Variants in MTHFD2 observed in about 807,000 individuals in gnomAD.
MTHFD2 encodes bifunctional methylenetetrahydrofolate dehydrogenase/cyclohydrolase, mitochondrial.
In MTHFD2, 26 loss-of-function variants were observed where a neutral mutation model predicts 36.8. That is an observed-to-expected ratio of 0.71 (90% confidence interval 0.52 to 0.98). The LOEUF is 0.98. MTHFD2 is among the 50% of genes least tolerant of loss of function. The pLI, the probability that MTHFD2 is intolerant of heterozygous loss-of-function variation, is 0.00. For missense variants in MTHFD2, 373 were observed against 434.0 expected, an observed-to-expected ratio of 0.86 and a Z score of 1.25; for synonymous variants, 164 against 155.2, an observed-to-expected ratio of 1.06 and a Z score of -0.42.
intron 1 of MTHFD2, among the ~76,000 whole-genome samples, chr2:74,205,113 G>A (rs1259133678): frequency 2.6e-5 from 4 of 151,912 alleles, no homozygotes; most frequent in South Asian, 2.1e-4. Context: ...GTGAGCCATC[G>A]TGCCCGGCCT....
intron 1 of MTHFD2, among the ~76,000 whole-genome samples, chr2:74,204,838 A>G (rs993385794): frequency 6.6e-6 from 1 of 151,688 alleles, no homozygotes; most frequent in South Asian, 2.1e-4. Flanking sequence ...TTGTTTGTTT[A>G]TTTTTGAGAC....
chr2:74,202,381 G>A (rs2103806612), intron 1 of MTHFD2, among the ~76,000 whole-genome samples: 1 of 152,208 alleles, frequency 6.6e-6, no homozygotes, highest in Non-Finnish European at 1.5e-5. Flanking sequence ...CCGTTTTAAA[G>A]TAGTCTTTCA....
chr2:74,201,624 G>GCCA (rs1694044686), intron 1 of MTHFD2, among the ~76,000 whole-genome samples: 1 of 152,008 alleles, frequency 6.6e-6, no homozygotes, highest in Non-Finnish European at 1.5e-5. Context: ...CAAGGCCTGT[G>GCCA]CCACCATGCC....
At position 74,214,067 on chromosome 2, in the gene MTHFD2, GT is replaced by G; in HGVS notation, c.890-9del. On this transcript the variant is annotated splice_polypyrimidine_tract_variant and intron_variant, in intron 7 of 7. Transcript: ENST00000394053. ...ATAACTAAAGCAGCCTGCCTGTCTT[GT>G]TTCTATGTAGGAGTCAGACAAAAAG... is the stretch of plus-strand genomic sequence containing the variant. 1.2e-6 allele frequency: 2 copies of G among 1,610,966 alleles called. No individual in the cohort carries two copies. Among genetic ancestry groups the G allele is most frequent in the Non-Finnish European group, 1.7e-6 (2 of 1,178,498 alleles).
rs749479361 is a variant in MTHFD2, at chr2:74,198,618, C to G, written c.-24C>G. ...CGTGGCCCGCGCGCGCGCTTCCCTC[C>G]CGGCGCAGTCACCGGCGCGGTCTAT... On this transcript the variant is annotated 5_prime_UTR_variant, in exon 1 of 8. Coordinates refer to ENST00000394053, the MANE Select transcript of MTHFD2 (RefSeq NM_006636.4). 13 of 1,582,572 alleles carry G rather than the reference C, an allele frequency of 8.2e-6. No homozygotes were observed. Among genetic ancestry groups the G allele is most frequent in the Admixed American group, 1.8e-5 (1 of 57,124 alleles).
At chr2:74,199,031 G>C (rs1479590399) in intron 1 of MTHFD2, among the ~76,000 whole-genome samples, 1 of 152,222 alleles carries the variant, frequency 6.6e-6, no homozygotes, top group African/African-American at 2.4e-5. Context: ...GTCGGCGGGC[G>C]GGACGGGGGT....
chr2:74,208,045 A>T (rs945794865), intron 3 of MTHFD2, among the ~76,000 whole-genome samples: 2 of 150,232 alleles, frequency 1.3e-5, no homozygotes, highest in Non-Finnish European at 3.0e-5. Context: ...AATAGCTAGG[A>T]CTATAGGCAT....
rs12196 is a variant in MTHFD2 at position 74,214,672 on chromosome 2, A to G, written c.*430A>G. On this transcript the variant is annotated 3_prime_UTR_variant, in exon 8 of 8. Transcript: ENST00000394053. ...AGGAAAAGTGTTGCTAGAGAAAATT[A>G]GGGAAAAGGTGAAAAAGAAAAAATG... 57,466 of 152,686 alleles carry G rather than the reference A, an allele frequency of 0.38. 11,348 individuals carry two copies. The highest frequency in any genetic ancestry group is 0.49 in the Middle Eastern group (145 of 294). 9.5% of individuals were successfully genotyped at this position (152,686 alleles called of 1,614,324 possible).
intron 3 of MTHFD2, among the ~76,000 whole-genome samples, chr2:74,208,160 C>T (rs765861213): frequency 6.6e-6 from 1 of 152,194 alleles, no homozygotes; most frequent in Non-Finnish European, 1.5e-5. Context: ...GCTGGGATTA[C>T]AGGCATGAAC....
chr2:74,199,707 CAAAAAAAAAAA>C (rs34436782), intron 1 of MTHFD2, among the ~76,000 whole-genome samples: 1 of 103,612 alleles, frequency 9.7e-6, no homozygotes, highest in Non-Finnish European at 2.0e-5. Context: ...GACCCTGTCT[CAAAAAAAAAAA>C]AAAAAAAAAA....
intron 3 of MTHFD2, 61 bp downstream of exon 3, chr2:74,207,887 CCT>C (rs375166259): frequency 5.8e-5 from 86 of 1,495,298 alleles, no homozygotes; most frequent in South Asian, 7.6e-5. Context: ...CCTCTCCCTC[CCT>C]CTCTCTCTCC....
rs758490956 is a variant in MTHFD2 at position 74,214,249 on chromosome 2, T to A, written c.*7T>A. The A allele has an allele frequency of 1.4e-5, 23 of 1,612,836 alleles. No individual in the cohort carries two copies. Among genetic ancestry groups the A allele is most frequent in the Non-Finnish European group, 1.9e-5 (22 of 1,179,328 alleles). ...TGGGGTAGCCACTAATTAACTACTGTGTCTTCTGTGTCACAAACAGCACTC... is the reference window on the plus strand; with the variant it reads ...TGGGGTAGCCACTAATTAACTACTGAGTCTTCTGTGTCACAAACAGCACTC... On this transcript the variant is annotated 3_prime_UTR_variant, in exon 8 of 8. Coordinates refer to ENST00000394053, the MANE Select transcript of MTHFD2 (RefSeq NM_006636.4).
intron 7 of MTHFD2, 78 bp downstream of exon 7, chr2:74,211,944 C>CTTTTTTTTTTTTTTTTTTTTTTTT: frequency 2.4e-6 from 1 of 424,488 alleles, no homozygotes; most frequent in Non-Finnish European, 3.2e-6. Flanking sequence ...AGATTATTTA[C>CTTTTTTTTTTTTTTTTTTTTTTTT]TTTTTTTTTT....
chr2:74,204,919 G>C (rs1295909872), intron 1 of MTHFD2, among the ~76,000 whole-genome samples: 3 of 152,110 alleles, frequency 2.0e-5, no homozygotes, highest in African/African-American at 7.2e-5. Context: ...TCTGCCTCCT[G>C]GTTTCAAGTG....
Position 74,204,643 on chromosome 2 carries a change from ACT to A in MTHFD2, c.102-1060_102-1059del, listed in dbSNP as rs1180171465. On this transcript the variant is annotated intron_variant, in intron 1 of 7. Transcript: ENST00000394053. ...TTGTTGCCCTTGGCGTCACATACTC[ACT>A]CCTGGTCTGTCAGCTTTGGATGATA... Among the ~76,000 whole-genome samples the A allele has an allele frequency of 2.0e-5, 3 of 152,044 alleles. No individual in the cohort carries two copies. In the East Asian group the frequency reaches 5.8e-4, roughly 29 times the overall value.
At chr2:74,208,301 A>G (rs149248862) in intron 3 of MTHFD2, among the ~76,000 whole-genome samples, 22 of 152,356 alleles carry the variant, frequency 1.4e-4, no homozygotes, top group African/African-American at 4.8e-4. Context: ...TAGAAATGGG[A>G]CAGACCAACT....
intron 7 of MTHFD2, among the ~76,000 whole-genome samples, chr2:74,212,682 TG>T (rs1694334878): frequency 6.6e-6 from 1 of 152,224 alleles, no homozygotes; most frequent in Non-Finnish European, 1.5e-5. Flanking sequence ...TTCAGGGAAT[TG>T]TTTTTTTCCT....
rs947607676 is a variant in MTHFD2, at chr2:74,216,194, G to A, written c.*1952G>A. ...TTTTTGTAAGTGACGTATAGCTTAT[G>A]TCTCTAATCCATGCCTGCTTACCTA... On this transcript the variant is annotated 3_prime_UTR_variant, in exon 8 of 8. Transcript: ENST00000394053. The A allele has an allele frequency of 8.5e-5, 13 of 152,192 alleles. No homozygotes were observed. The highest frequency in any genetic ancestry group is 8.5e-4 in the Admixed American group (13 of 15,284). 9.4% of individuals were successfully genotyped at this position (152,192 alleles called of 1,614,324 possible).
chr2:74,208,908 C>T (rs1233010953), intron 4 of MTHFD2, among the ~76,000 whole-genome samples, 187 bp downstream of exon 4: 1 of 152,006 alleles, frequency 6.6e-6, no homozygotes, highest in African/African-American at 2.4e-5. Context: ...GGGTCTTGCT[C>T]TGTCACCCAG....
Sources: allele counts gnomAD v4.1 joint callset (sites outside exome capture counted in the v4.1 genomes callset), GRCh38; gene constraint gnomAD v4.1.1; transcripts MANE v1.5; gene names NCBI Gene and HGNC (gene_info 2026-07-23, HGNC 2026-07-21).